The following RAB3C variants were observed in gnomAD, a reference collection of about 807,000 sequenced individuals.
The protein encoded by RAB3C is RAB3C, member RAS oncogene family.
RAB3C carries 17 observed loss-of-function variants against 26.4 expected under a neutral mutation model. That is an observed-to-expected ratio of 0.64 (90% CI 0.44 to 0.97). RAB3C has a LOEUF of 0.97. Ranked by LOEUF, RAB3C falls within the 50% of genes least tolerant of loss-of-function variation. The pLI is 0.00. For missense variants in RAB3C, 242 were observed against 281.9 expected (o/e 0.86, Z 1.01); for synonymous variants, 91 against 95.9 (o/e 0.95, Z 0.30).
At chr5:58,646,103 G>A (rs1469366625) in intron 2 of RAB3C, among the ~76,000 whole-genome samples, 1 of 152,134 alleles carries the variant, frequency 6.6e-6, no homozygotes, top group African/African-American at 2.4e-5. Context: ...CTCCTTTTGG[G>A]ATATGCCTGA....
At chr5:58,727,031 TGAA>T (rs1561301914) in intron 3 of RAB3C, among the ~76,000 whole-genome samples, 2 of 151,794 alleles carry the variant, frequency 1.3e-5, no homozygotes. Flanking sequence ...TAGGACTGAC[TGAA>T]GAAATACCGC....
At position 58,825,177 on chromosome 5, in the gene RAB3C, A is replaced by C. The variant is rs1743446060; in HGVS notation, c.496+15A>C. 1 of 1,605,590 alleles carries C rather than the reference A, an allele frequency of 6.2e-7. No homozygotes were observed. The highest frequency in any genetic ancestry group is 1.3e-5 in the African/African-American group (1 of 74,628). On this transcript the variant is annotated intron_variant, in intron 4 of 4. Transcript: ENST00000282878. ...AGAACAGCTTGGTAAGAAACAAATT[A>C]ATAAGTTAAAAAGAAAGATAATTTG...
chr5:58,689,489 T>A (rs570266371), intron 2 of RAB3C, among the ~76,000 whole-genome samples: 1 of 152,244 alleles, frequency 6.6e-6, no homozygotes, highest in East Asian at 1.9e-4. Flanking sequence ...TTTTTATTTT[T>A]ATTTTATTTA....
chr5:58,733,200 T>C (rs112936967), intron 3 of RAB3C, among the ~76,000 whole-genome samples: 1 of 152,230 alleles, frequency 6.6e-6, no homozygotes, highest in Middle Eastern at 3.2e-3. Flanking sequence ...TGGCACTTAA[T>C]GGCTGCTCAA....
intron 3 of RAB3C, among the ~76,000 whole-genome samples, chr5:58,743,917 C>G (rs1421249670): frequency 2.0e-5 from 3 of 152,188 alleles, no homozygotes; most frequent in East Asian, 3.8e-4. Context: ...AGCTTCCTAA[C>G]CTTTCATATA....
At chr5:58,841,142 C>G (rs1417459846) in intron 4 of RAB3C, among the ~76,000 whole-genome samples, 2 of 152,196 alleles carry the variant, frequency 1.3e-5, no homozygotes, top group African/African-American at 4.8e-5. Context: ...GGCTATTTCT[C>G]AGGTCCTGAG....
intron 1 of RAB3C, among the ~76,000 whole-genome samples, chr5:58,597,606 A>T (rs1023551102): frequency 7.5e-6 from 1 of 134,092 alleles, no homozygotes; most frequent in African/African-American, 2.7e-5. Context: ...ATATAAGCAT[A>T]TAACAATATA....
chr5:58,808,856 A>G (rs1743005545), intron 3 of RAB3C, among the ~76,000 whole-genome samples: 1 of 152,200 alleles, frequency 6.6e-6, no homozygotes, highest in African/African-American at 2.4e-5. Context: ...AATATCAGCA[A>G]CATAACTCTT....
intron 2 of RAB3C, among the ~76,000 whole-genome samples, chr5:58,632,232 G>T (rs187554485): frequency 6.6e-6 from 1 of 152,304 alleles, no homozygotes; most frequent in Non-Finnish European, 1.5e-5. Context: ...GGGTTTATCA[G>T]AACCATTGTC....
intron 3 of RAB3C, among the ~76,000 whole-genome samples, chr5:58,801,627 A>G (rs1433103748): frequency 1.3e-5 from 2 of 152,272 alleles, no homozygotes; most frequent in South Asian, 2.1e-4. Flanking sequence ...TTTATAATTT[A>G]ATCCCAGAAA....
chr5:58,737,712 A>G (rs1431574533), intron 3 of RAB3C, among the ~76,000 whole-genome samples: 3 of 147,756 alleles, frequency 2.0e-5, no homozygotes, highest in African/African-American at 4.8e-5. Flanking sequence ...TATGTTTTCT[A>G]CAACAACAAC....
intron 3 of RAB3C, among the ~76,000 whole-genome samples, chr5:58,796,034 C>T (rs2112020095): frequency 6.6e-6 from 1 of 152,286 alleles, no homozygotes; most frequent in African/African-American, 2.4e-5. Flanking sequence ...TCTGCATCTC[C>T]TCCAATCAGG....
At chr5:58,713,916 G>A (rs1170988049) in intron 2 of RAB3C, among the ~76,000 whole-genome samples, 1 of 152,072 alleles carries the variant, frequency 6.6e-6, no homozygotes, top group Non-Finnish European at 1.5e-5. Flanking sequence ...AGCTTGAAGG[G>A]TTAATAACTG....
At chr5:58,745,936 G>A (rs1741393956) in intron 3 of RAB3C, among the ~76,000 whole-genome samples, 1 of 152,168 alleles carries the variant, frequency 6.6e-6, no homozygotes, top group African/African-American at 2.4e-5. Context: ...ATGAATGAAT[G>A]AGGAAAATGC....
chr5:58,595,530 A>G (rs1341034195), intron 1 of RAB3C, among the ~76,000 whole-genome samples: 1 of 152,152 alleles, frequency 6.6e-6, no homozygotes, highest in Non-Finnish European at 1.5e-5. Flanking sequence ...GGCCTTGACC[A>G]CATATATGTG....
chr5:58,631,739 G>C (rs1260208480), intron 2 of RAB3C, among the ~76,000 whole-genome samples: 1 of 152,070 alleles, frequency 6.6e-6, no homozygotes, highest in Non-Finnish European at 1.5e-5. Flanking sequence ...GTTTTTTGGG[G>C]TTTTTCCTCT....
rs1744146913 is a variant in RAB3C at position 58,852,968 on chromosome 5, A to G, written c.*1617A>G. ...TGGAGAATAAATCCTTACAAGTCAC[A>G]GAACTAGGTCACACACATTAGTAAG... is the stretch of plus-strand genomic sequence containing the variant. On this transcript the variant is annotated 3_prime_UTR_variant, in exon 5 of 5. Transcript: ENST00000282878. 2 of 152,246 alleles carry G rather than the reference A, an allele frequency of 1.3e-5. No individual in the cohort carries two copies. The highest frequency in any genetic ancestry group is 2.1e-4 in the South Asian group (1 of 4,836). 9.4% of individuals were successfully genotyped at this position (152,246 alleles called of 1,614,324 possible).
At chr5:58,624,911 A>G (rs1747021315) in intron 2 of RAB3C, among the ~76,000 whole-genome samples, 1 of 152,208 alleles carries the variant, frequency 6.6e-6, no homozygotes, top group Non-Finnish European at 1.5e-5. Context: ...CCAATCTGGC[A>G]TTCAGTGATC....
intron 2 of RAB3C, among the ~76,000 whole-genome samples, chr5:58,685,479 T>C (rs889412407): frequency 1.3e-5 from 2 of 152,192 alleles, no homozygotes; most frequent in Non-Finnish European, 2.9e-5. Context: ...AAATCCAGAA[T>C]AACTCTCCAT....
Sources: allele counts gnomAD v4.1 joint callset (sites outside exome capture counted in the v4.1 genomes callset), GRCh38; gene constraint gnomAD v4.1.1; transcripts MANE v1.5; gene names NCBI Gene and HGNC (gene_info 2026-07-23, HGNC 2026-07-21).